Variants in IPO9 observed in about 807,000 individuals in gnomAD.
IPO9 encodes importin-9.
A neutral mutation model predicts 128.6 loss-of-function variants in IPO9; 28 were observed. The observed-to-expected ratio is 0.22, with a 90% CI of 0.16 to 0.30. The LOEUF (loss-of-function observed/expected upper bound fraction) is 0.30, where lower values mean the gene tolerates loss of function less well. Among genes scored for constraint, IPO9 ranks in the 10% least tolerant of loss-of-function variants. The probability of loss-of-function intolerance (pLI) is 1.00; values close to 1 mark genes in which losing one functional copy is unlikely to be tolerated. For missense variants in IPO9, 935 were observed against 1,293.9 expected (o/e 0.72, Z 4.26); for synonymous variants, 455 against 475.8 (o/e 0.96, Z 0.57).
At chr1:201,859,029 CT>C in intron 13 of IPO9, 35 bp downstream of exon 13, 1 of 1,585,474 alleles carries the variant, frequency 6.3e-7, no homozygotes, top group Non-Finnish European at 8.6e-7. Flanking sequence ...TCTAGAAACT[CT>C]TTAAACCTGT....
At chr1:201,852,514 T>C (rs1328541579) in intron 5 of IPO9, among the ~76,000 whole-genome samples, 1 of 152,214 alleles carries the variant, frequency 6.6e-6, no homozygotes, top group East Asian at 1.9e-4. Flanking sequence ...CTTGCCTACC[T>C]CAGCTAAGTA....
intron 23 of IPO9, among the ~76,000 whole-genome samples, chr1:201,875,619 T>A (rs1680747223): frequency 6.6e-6 from 1 of 152,074 alleles, no homozygotes; most frequent in Non-Finnish European, 1.5e-5. Context: ...ATTTATAATT[T>A]AACATGGGAG....
rs1428133584 is a variant in IPO9, at chr1:201,854,722, C to G, written c.810+8C>G. 20 of 1,612,770 alleles carry G rather than the reference C, an allele frequency of 1.2e-5. No homozygotes were observed. In the South Asian group the frequency reaches 2.1e-4, roughly 17 times the overall value. ...AAGATGGAGGTCCTAAAGGTAAACA[C>G]TTACTACCAATGAAATATTTGGAGT... On this transcript the variant is annotated splice_region_variant and intron_variant, in intron 7 of 23. Transcript: ENST00000361565.
intron 15 of IPO9, 74 bp downstream of exon 15, chr1:201,867,033 T>C: frequency 8.1e-7 from 1 of 1,238,360 alleles, no homozygotes; most frequent in Non-Finnish European, 1.2e-6. Context: ...AAATGAAAGA[T>C]TCCCTAGGTC....
At chr1:201,851,137 T>C (rs1680208256) in intron 4 of IPO9, among the ~76,000 whole-genome samples, 1 of 151,222 alleles carries the variant, frequency 6.6e-6, no homozygotes, top group South Asian at 2.1e-4. Context: ...TGCCTCAGCA[T>C]CCTAAGTAGC....
chr1:201,875,551 C>G (rs192308231), intron 23 of IPO9, among the ~76,000 whole-genome samples: 1 of 151,404 alleles, frequency 6.6e-6, no homozygotes, highest in East Asian at 1.9e-4. Context: ...GATCATACCA[C>G]TGCACTCGAG....
rs755840304 is a variant in IPO9, at chr1:201,847,350, G to T, written c.225+10G>T. On this transcript the variant is annotated intron_variant, in intron 2 of 23. Coordinates refer to ENST00000361565, the MANE Select transcript of IPO9 (RefSeq NM_018085.5). Reference sequence around the variant, plus strand: ...ACTGGCAATCCGTCAGGTAAGTCCAGACTGGCCCAATTTATAAATAGTTTC... The same window carrying T: ...ACTGGCAATCCGTCAGGTAAGTCCATACTGGCCCAATTTATAAATAGTTTC... 1 of 1,611,276 alleles carries T rather than the reference G, an allele frequency of 6.2e-7. No individual in the cohort carries two copies. The highest frequency in any genetic ancestry group is 1.1e-5 in the South Asian group (1 of 90,738).
At chr1:201,840,518 C>A (rs887472459) in intron 1 of IPO9, among the ~76,000 whole-genome samples, 5 of 152,184 alleles carry the variant, frequency 3.3e-5, no homozygotes, top group Non-Finnish European at 7.3e-5. Flanking sequence ...TACCTCTTGA[C>A]CCACAATCCC....
In IPO9 at chr1:201,853,431, CTGTAT is replaced by C. The variant is rs149047298; in HGVS notation, c.690+337_690+341del. On this transcript the variant is annotated intron_variant, in intron 6 of 23. Coordinates refer to ENST00000361565, the MANE Select transcript of IPO9 (RefSeq NM_018085.5). Reference sequence around the variant, plus strand: ...AAATGTTTGTAGAGATAGGGTCTCACTGTATTGCCCAGGCTGGTCTTGAACTTCTG... The same window carrying C: ...AAATGTTTGTAGAGATAGGGTCTCACTGCCCAGGCTGGTCTTGAACTTCTG... Among the ~76,000 whole-genome samples the C allele has an allele frequency of 8.5e-3, 1,299 of 152,252 alleles. 19 individuals are homozygous for C. The highest frequency in any genetic ancestry group is 0.03 in the African/African-American group (1,256 of 41,548).
In IPO9 at chr1:201,842,788, G is replaced by A. The variant is rs903330987; in HGVS notation, c.164-4491G>A. 2.1e-4 allele frequency among the ~76,000 whole-genome samples: 32 copies of A among 152,202 alleles called. 1 individual carries two copies. Among genetic ancestry groups the A allele is most frequent in the African/African-American group, 7.5e-4 (31 of 41,448 alleles). On this transcript the variant is annotated intron_variant, in intron 1 of 23. Transcript: ENST00000361565. ...ATATTGTATGAGTGTCTCCCAGGGT[G>A]AGGCTGCTCAGATTGGCAGGCTTCC...
intron 1 of IPO9, among the ~76,000 whole-genome samples, chr1:201,833,318 A>G (rs1679870988): frequency 6.6e-6 from 1 of 151,584 alleles, no homozygotes; most frequent in East Asian, 1.9e-4. Flanking sequence ...GGCTCACTGC[A>G]ACATCCGCCT....
chr1:201,856,398 A>C (rs1339489542), intron 10 of IPO9, among the ~76,000 whole-genome samples: 1 of 152,202 alleles, frequency 6.6e-6, no homozygotes, highest in Non-Finnish European at 1.5e-5. Context: ...CATCAAAAGC[A>C]GCAAAGAACG....
chr1:201,843,730 A>T (rs1159672062), intron 1 of IPO9, among the ~76,000 whole-genome samples: 5 of 151,648 alleles, frequency 3.3e-5, no homozygotes, highest in Non-Finnish European at 2.9e-5. Context: ...CCAGAGGCTG[A>T]GGCACAAGAA....
rs780110915 is a variant in IPO9 at position 201,876,026 on chromosome 1, G to A, written c.3098G>A (p.Arg1033Lys). The part of the protein sequence containing the change: ...MFSGHLNDNE[R>K]RVLQTIGI ...TCAGGCCACCTTAATGACAATGAGA[G>A]GCGAGTTCTACAGACCATCGGCATC... Residue 1033 changes from arginine to lysine, a missense_variant, in exon 24 of 24, where the codon AGG (arginine) becomes AAG (lysine). Around this residue, in one of 3 missense-constraint regions of IPO9, gnomAD observed 188 missense variants for 246.7 expected, o/e 0.76. Transcript: ENST00000361565. The A allele has an allele frequency of 6.2e-7, 1 of 1,613,398 alleles. No individual in the cohort carries two copies. The highest frequency in any genetic ancestry group is 1.1e-5 in the South Asian group (1 of 91,072).
chr1:201,866,641 T>C (rs1387290146), intron 14 of IPO9, 92 bp from the exon 15 acceptor site: 1 of 938,652 alleles, frequency 1.1e-6, no homozygotes, highest in Non-Finnish European at 1.7e-6. Flanking sequence ...TTTATAAAGC[T>C]ACACATACAA....
intron 15 of IPO9, among the ~76,000 whole-genome samples, chr1:201,867,658 G>T (rs1271932920): frequency 6.6e-6 from 1 of 151,586 alleles, no homozygotes; most frequent in Non-Finnish European, 1.5e-5. Flanking sequence ...GGAATTACAG[G>T]TGTTTTCATT....
At chr1:201,855,996 G>A in intron 10 of IPO9, 62 bp downstream of exon 10, 1 of 1,290,130 alleles carries the variant, frequency 7.8e-7, no homozygotes, top group Non-Finnish European at 1.1e-6. Flanking sequence ...TGAAGAATAT[G>A]AGGTCTTGGT....
At chr1:201,857,838 A>G (rs1338112926) in intron 11 of IPO9, among the ~76,000 whole-genome samples, 4 of 151,968 alleles carry the variant, frequency 2.6e-5, no homozygotes, top group Admixed American at 6.6e-5. Context: ...TCACTCTTCA[A>G]CAAGAATCTA....
At chr1:201,859,689 A>G (rs1008077192) in intron 13 of IPO9, among the ~76,000 whole-genome samples, 1 of 152,158 alleles carries the variant, frequency 6.6e-6, no homozygotes, top group Non-Finnish European at 1.5e-5. Flanking sequence ...GCCAGGCGCG[A>G]TGGCTCATGC....
Sources: gnomAD v4.1 joint callset for allele counts (sites outside exome capture counted in the v4.1 genomes callset) on GRCh38, gnomAD v4.1.1 for gene constraint, gnomAD v4.1.1 regional missense constraint, MANE v1.5 for transcripts, NCBI Gene and HGNC (gene_info 2026-07-23, HGNC 2026-07-21) for gene names.